FAM3C: variants seen among roughly 807,000 people sequenced by gnomAD.
The protein encoded by FAM3C is protein FAM3C.
Under a neutral mutation model 32.5 loss-of-function variants are expected in FAM3C, and 15 were observed. The ratio of observed to expected loss-of-function variants is 0.46; its 90% CI spans 0.31 to 0.71. The LOEUF is 0.71. Among genes scored for constraint, FAM3C ranks in the 30% least tolerant of loss-of-function variants. The probability of loss-of-function intolerance (pLI) is 0.05; values close to 1 mark genes in which losing one functional copy is unlikely to be tolerated. For synonymous variants in FAM3C, 75 were observed against 86.1 expected (o/e 0.87, Z 0.72); for missense variants, 175 against 274.4 (o/e 0.64, Z 2.56).
chr7:121,394,359 A>G (rs1251333351), intron 1 of FAM3C, among the ~76,000 whole-genome samples: 2 of 152,244 alleles, frequency 1.3e-5, no homozygotes, highest in Non-Finnish European at 2.9e-5. Flanking sequence ...ATTAGTTGAC[A>G]ATGCTTAAGG....
At chr7:121,395,755 A>C (rs981429269) in intron 1 of FAM3C, among the ~76,000 whole-genome samples, 5 of 152,106 alleles carry the variant, frequency 3.3e-5, no homozygotes, top group African/African-American at 1.2e-4. Flanking sequence ...GTTGGAATGC[A>C]ACACCCAACT....
At chr7:121,380,635 AC>A (rs1794330315) in intron 2 of FAM3C, among the ~76,000 whole-genome samples, 1 of 151,652 alleles carries the variant, frequency 6.6e-6, no homozygotes, top group African/African-American at 2.4e-5. Flanking sequence ...TAATCTGTAC[AC>A]CAAGCCCCTG....
chr7:121,376,334 G>A (rs1227596963), intron 3 of FAM3C, among the ~76,000 whole-genome samples: 2 of 151,996 alleles, frequency 1.3e-5, no homozygotes, highest in Non-Finnish European at 2.9e-5. Flanking sequence ...TGTAAAGGAA[G>A]GTCTGACGGA....
chr7:121,382,374 A>G (rs184015274), intron 2 of FAM3C, among the ~76,000 whole-genome samples: 4 of 152,180 alleles, frequency 2.6e-5, no homozygotes, highest in African/African-American at 9.7e-5. Context: ...GCAAAAACAC[A>G]TATTTTATCG....
At chr7:121,370,412 G>A (rs1794121982) in intron 5 of FAM3C, among the ~76,000 whole-genome samples, 1 of 152,124 alleles carries the variant, frequency 6.6e-6, no homozygotes, top group Non-Finnish European at 1.5e-5. Context: ...AAACAGCTAG[G>A]AAAAGCTGCC....
chr7:121,355,123 ATATATCATCC>A (rs1793781574), intron 8 of FAM3C, among the ~76,000 whole-genome samples: 1 of 152,204 alleles, frequency 6.6e-6, no homozygotes, highest in Non-Finnish European at 1.5e-5. Context: ...CATGAGAATG[ATATATCATCC>A]AACCAAAGCA....
chr7:121,392,871 T>TA (rs1358657283), intron 1 of FAM3C, among the ~76,000 whole-genome samples: 3 of 152,136 alleles, frequency 2.0e-5, no homozygotes, highest in Non-Finnish European at 2.9e-5. Context: ...TACTCACCCT[T>TA]AAAAAGGAAT....
chr7:121,364,896 A>G (rs556909221), intron 5 of FAM3C, among the ~76,000 whole-genome samples: 1 of 152,298 alleles, frequency 6.6e-6, no homozygotes, highest in African/African-American at 2.4e-5. Flanking sequence ...TAGAATTATT[A>G]AACTAAAATT....
chr7:121,361,935 C>T (rs773965184), intron 7 of FAM3C, among the ~76,000 whole-genome samples: 6 of 152,172 alleles, frequency 3.9e-5, no homozygotes, highest in African/African-American at 7.2e-5. Context: ...CCTCGGCCTC[C>T]CGAAGTGCTG....
At chr7:121,391,500 G>C (rs1215035494) in intron 1 of FAM3C, among the ~76,000 whole-genome samples, 2 of 152,180 alleles carry the variant, frequency 1.3e-5, no homozygotes, top group African/African-American at 4.8e-5. Context: ...ACATACAGTA[G>C]AACTGCTATC....
intron 7 of FAM3C, among the ~76,000 whole-genome samples, chr7:121,362,106 AG>A (rs1409498545): frequency 6.6e-6 from 1 of 152,218 alleles, no homozygotes; most frequent in Admixed American, 6.5e-5. Context: ...GGGGAGGTGC[AG>A]GGGAGATCCT....
chr7:121,396,134 G>C (rs902088029), intron 1 of FAM3C, 28 bp downstream of exon 1: 1 of 153,640 alleles, frequency 6.5e-6, no homozygotes, highest in Non-Finnish European at 1.4e-5. Context: ...CCTGAGCCCC[G>C]GCTCCGTCCG....
At chr7:121,380,733 T>TTATA (rs66579763) in intron 2 of FAM3C, among the ~76,000 whole-genome samples, 4,892 of 133,908 alleles carry the variant, frequency 0.037, 173 homozygotes, top group African/African-American at 0.058. Flanking sequence ...TACAAACATT[T>TTATA]TATATATATA....
chr7:121,369,063 T>A (rs1794088741), intron 5 of FAM3C, among the ~76,000 whole-genome samples: 1 of 140,104 alleles, frequency 7.1e-6, no homozygotes, highest in Non-Finnish European at 1.5e-5. Context: ...CACTGCAACC[T>A]CCATCTCCTG....
intron 1 of FAM3C, among the ~76,000 whole-genome samples, chr7:121,389,570 A>C (rs957065647): frequency 6.6e-6 from 1 of 152,142 alleles, no homozygotes; most frequent in African/African-American, 2.4e-5. Flanking sequence ...TCAGTACCCA[A>C]TATGCCACTA....
intron 5 of FAM3C, among the ~76,000 whole-genome samples, chr7:121,370,105 G>C (rs1562887807): frequency 6.6e-6 from 1 of 151,990 alleles, no homozygotes; most frequent in Admixed American, 6.5e-5. Flanking sequence ...GAGTGGAAAT[G>C]AGAATGTTTT....
chr7:121,355,216 G>A (rs2116871943), intron 8 of FAM3C, among the ~76,000 whole-genome samples: 1 of 152,266 alleles, frequency 6.6e-6, no homozygotes, highest in South Asian at 2.1e-4. Flanking sequence ...AGAAGTCCAT[G>A]TAAGTGCTCT....
chr7:121,381,251 C>G (rs1254020512), intron 2 of FAM3C, among the ~76,000 whole-genome samples: 1 of 152,166 alleles, frequency 6.6e-6, no homozygotes, highest in Admixed American at 6.6e-5. Flanking sequence ...GTACAAACTT[C>G]AGACATTCAT....
chr7:121,354,224 G>A (rs1025378527), intron 8 of FAM3C, among the ~76,000 whole-genome samples: 3 of 152,060 alleles, frequency 2.0e-5, no homozygotes, highest in African/African-American at 7.2e-5. Flanking sequence ...ATAGCATAAA[G>A]GTTGGAGATA....
Sources: gnomAD v4.1 joint callset for allele counts (sites outside exome capture counted in the v4.1 genomes callset) on GRCh38, gnomAD v4.1.1 for gene constraint, MANE v1.5 for transcripts, NCBI Gene and HGNC (gene_info 2026-07-23, HGNC 2026-07-21) for gene names.